TESK2: variants seen among roughly 807,000 people sequenced by gnomAD.
TESK2 encodes the protein dual specificity testis-specific protein kinase 2.
A neutral mutation model predicts 57.1 loss-of-function variants in TESK2; 39 were observed. The observed-to-expected ratio is 0.68, with a 90% CI of 0.53 to 0.89. The LOEUF (loss-of-function observed/expected upper bound fraction) is 0.89, where lower values mean the gene tolerates loss of function less well. TESK2 is among the 40% of genes least tolerant of loss of function. The pLI is 0.00. For synonymous variants in TESK2, 249 were observed against 267.9 expected (o/e 0.93, Z 0.69); for missense variants, 646 against 732.1 (o/e 0.88, Z 1.36).
Position 45,347,633 on chromosome 1 carries a change from G to A in TESK2, c.684C>T (p.Leu228=), listed in dbSNP as rs751083121. The change falls in exon 7 of 11, where the codon CTC becomes CTT. Residue 228 remains leucine (L), a synonymous_variant. Transcript: ENST00000372086. ...GSPFWMAPEV[L]RDEPYNEKAD... is the part of the protein sequence containing the mutation. ...CCTTTTCATTATAGGGCTCATCTCGGAGAACCTCAGGTGCCATCCAGAATG... is the reference window on the plus strand; with the variant it reads ...CCTTTTCATTATAGGGCTCATCTCGAAGAACCTCAGGTGCCATCCAGAATG... 2 of 1,614,002 alleles carry A rather than the reference G, an allele frequency of 1.2e-6. No individual in the cohort carries two copies. The highest frequency in any genetic ancestry group is 1.3e-5 in the African/African-American group (1 of 74,916).
intron 4 of TESK2, among the ~76,000 whole-genome samples, chr1:45,383,519 T>C (rs1445378321): frequency 6.6e-6 from 1 of 152,210 alleles, no homozygotes; most frequent in Non-Finnish European, 1.5e-5. Flanking sequence ...ATAAAGAAGC[T>C]AACAAGCAGC....
intron 2 of TESK2, among the ~76,000 whole-genome samples, chr1:45,428,128 C>G (rs1382439406): frequency 6.6e-6 from 1 of 152,114 alleles, no homozygotes; most frequent in East Asian, 1.9e-4. Context: ...ACAGCATTTG[C>G]TACATACTAG....
intron 4 of TESK2, among the ~76,000 whole-genome samples, chr1:45,375,645 C>T (rs1221457873): frequency 6.6e-6 from 1 of 152,088 alleles, no homozygotes; most frequent in Admixed American, 6.6e-5. Flanking sequence ...TGCCTGTAGT[C>T]CCAGTGCTTT....
At chr1:45,436,799 CTTT>C (rs35797939) in intron 2 of TESK2, among the ~76,000 whole-genome samples, 3 of 123,104 alleles carry the variant, frequency 2.4e-5, no homozygotes, top group Non-Finnish European at 3.4e-5. Context: ...ACATTAGTAT[CTTT>C]TTTTTTTTTT....
chr1:45,351,916 G>A (rs1219856466), intron 5 of TESK2, among the ~76,000 whole-genome samples: 2 of 152,168 alleles, frequency 1.3e-5, no homozygotes, highest in Non-Finnish European at 2.9e-5. Context: ...TCATGCTGGT[G>A]GGAGATACAG....
At chr1:45,368,425 G>A (rs1648035702) in intron 4 of TESK2, among the ~76,000 whole-genome samples, 1 of 151,176 alleles carries the variant, frequency 6.6e-6, no homozygotes, top group Non-Finnish European at 1.5e-5. Flanking sequence ...CCCAGGCTGG[G>A]CTGCAGTGGC....
chr1:45,346,118 C>A, intron 9 of TESK2, 124 bp from the exon 10 acceptor site: 1 of 746,140 alleles, frequency 1.3e-6, no homozygotes, highest in Non-Finnish European at 2.3e-6. Flanking sequence ...TTCTAAAGGC[C>A]CCAGACAATG....
At chr1:45,369,294 T>A (rs941185465) in intron 4 of TESK2, among the ~76,000 whole-genome samples, 4 of 150,652 alleles carry the variant, frequency 2.7e-5, no homozygotes, top group Admixed American at 2.6e-4. Flanking sequence ...AGGTCAAGAG[T>A]TCAAGACCAG....
At chr1:45,376,611 C>T (rs575385338) in intron 4 of TESK2, among the ~76,000 whole-genome samples, 1 of 152,128 alleles carries the variant, frequency 6.6e-6, no homozygotes, top group Non-Finnish European at 1.5e-5. Context: ...TACAAACACA[C>T]ACTAAGCATA....
intron 5 of TESK2, among the ~76,000 whole-genome samples, chr1:45,354,008 G>A (rs1446674212): frequency 6.6e-6 from 1 of 152,200 alleles, no homozygotes; most frequent in African/African-American, 2.4e-5. Context: ...GCATTCAAGT[G>A]ACTAAAAATC....
Position 45,457,882 on chromosome 1 carries a change from C to A in TESK2, c.-86-11G>T, listed in dbSNP as rs1220335770. The A allele has an allele frequency of 4.0e-6, 4 of 1,007,202 alleles. No homozygotes were observed. The highest frequency in any genetic ancestry group is 5.8e-6 in the Non-Finnish European group (4 of 687,408). 62.4% of individuals were successfully genotyped at this position (1,007,202 alleles called of 1,614,324 possible). On this transcript the variant is annotated splice_polypyrimidine_tract_variant and intron_variant, in intron 1 of 10. Transcript: ENST00000372086. ...TCTTCTGGTTTGACACTAAAGAGAT[C>A]AAAAAAATTTCCACTGAAATCTTTA...
chr1:45,486,671 TA>T (rs200184311), intron 1 of TESK2, among the ~76,000 whole-genome samples: 63 of 135,616 alleles, frequency 4.6e-4, no homozygotes, highest in South Asian at 4.1e-3. Context: ...CAAGACCCCA[TA>T]AAAAAAAATT....
chr1:45,402,076 A>T (rs1157632514), intron 3 of TESK2, among the ~76,000 whole-genome samples: 1 of 150,834 alleles, frequency 6.6e-6, no homozygotes, highest in Non-Finnish European at 1.5e-5. Flanking sequence ...CCTGCTAATA[A>T]CCATTAAAAA....
At chr1:45,480,627 C>T (rs1225410729) in intron 1 of TESK2, among the ~76,000 whole-genome samples, 4 of 151,456 alleles carry the variant, frequency 2.6e-5, no homozygotes, top group African/African-American at 7.3e-5. Flanking sequence ...AATTATGATA[C>T]ATCCATTCAA....
chr1:45,358,439 C>T (rs1647536452), intron 4 of TESK2, among the ~76,000 whole-genome samples: 1 of 151,958 alleles, frequency 6.6e-6, no homozygotes, highest in Non-Finnish European at 1.5e-5. Flanking sequence ...GATTGTGCCA[C>T]TAGATTCCAG....
At chr1:45,476,874 C>T (rs1018432408) in intron 1 of TESK2, among the ~76,000 whole-genome samples, 2 of 150,402 alleles carry the variant, frequency 1.3e-5, no homozygotes, top group Middle Eastern at 3.4e-3. Flanking sequence ...TAGCCAGGCA[C>T]AGTCACTCAT....
At chr1:45,408,765 A>C (rs1018581533) in intron 3 of TESK2, among the ~76,000 whole-genome samples, 51 of 152,288 alleles carry the variant, frequency 3.3e-4, no homozygotes, top group African/African-American at 1.0e-3. Flanking sequence ...CAGGTGATGG[A>C]AGGTGACTAG....
chr1:45,353,552 A>C (rs910610242), intron 5 of TESK2, among the ~76,000 whole-genome samples: 3 of 152,110 alleles, frequency 2.0e-5, no homozygotes, highest in African/African-American at 7.2e-5. Flanking sequence ...CCTCCCCTTC[A>C]TCTGGGGCAG....
rs575859927 is a variant in TESK2, at chr1:45,434,419, G to A, written c.223-12573C>T. 5.3e-5 allele frequency among the ~76,000 whole-genome samples: 8 copies of A among 151,710 alleles called. No individual in the cohort carries two copies. In the South Asian group the frequency reaches 1.7e-3, roughly 32 times the overall value. ...CGATCCTCCCACCTAAGCCTCTCGAGTAGCTTAAACTACAGGTGTGCACCA... is the reference window on the plus strand; with the variant it reads ...CGATCCTCCCACCTAAGCCTCTCGAATAGCTTAAACTACAGGTGTGCACCA... On this transcript the variant is annotated intron_variant, in intron 2 of 10. Transcript: ENST00000372086.
Sources: gnomAD v4.1 joint callset for allele counts (sites outside exome capture counted in the v4.1 genomes callset) on GRCh38, gnomAD v4.1.1 for gene constraint, MANE v1.5 for transcripts, NCBI Gene and HGNC (gene_info 2026-07-23, HGNC 2026-07-21) for gene names.